Variants in COG5 observed in about 807,000 individuals in gnomAD.
COG5 encodes component of oligomeric golgi complex 5.
A neutral mutation model predicts 110.4 loss-of-function variants in COG5; 86 were observed. The observed-to-expected ratio is 0.78, with a 90% CI of 0.65 to 0.93. COG5 has a LOEUF of 0.93. Ranked by LOEUF, COG5 falls within the 40% of genes least tolerant of loss-of-function variation. The pLI is 0.00. For synonymous variants in COG5, 360 were observed against 334.6 expected (o/e 1.08, Z -0.83); for missense variants, 1,077 against 987.0 (o/e 1.09, Z -1.22).
intron 11 of COG5, among the ~76,000 whole-genome samples, chr7:107,298,565 TA>T (rs926387906): frequency 4.6e-5 from 7 of 151,770 alleles, no homozygotes; most frequent in Non-Finnish European, 7.4e-5. Context: ...AATCTATATT[TA>T]AAAAAAATAG....
chr7:107,504,821 C>T (rs74695687), intron 6 of COG5, among the ~76,000 whole-genome samples: 11 of 152,170 alleles, frequency 7.2e-5, no homozygotes, highest in East Asian at 3.9e-4. Flanking sequence ...TGATCTATTG[C>T]GTTCTGTGGC....
chr7:107,444,199 A>G (rs4730244), intron 6 of COG5, among the ~76,000 whole-genome samples: 101,236 of 152,046 alleles, frequency 0.67, 35,666 homozygotes, highest in African/African-American at 0.91. Context: ...TCTATATTCT[A>G]TATTATCCTC....
At chr7:107,415,128 T>C (rs1033907385) in intron 6 of COG5, among the ~76,000 whole-genome samples, 3 of 152,186 alleles carry the variant, frequency 2.0e-5, no homozygotes, top group African/African-American at 7.2e-5. Flanking sequence ...CACTTATGTT[T>C]CACCACAATG....
chr7:107,444,462 T>C (rs1371827869), intron 6 of COG5, among the ~76,000 whole-genome samples: 1 of 152,202 alleles, frequency 6.6e-6, no homozygotes, highest in East Asian at 1.9e-4. Context: ...ACCTGCAGTT[T>C]TCTTACACTG....
chr7:107,429,042 G>C (rs1793840957), intron 6 of COG5, among the ~76,000 whole-genome samples: 1 of 152,094 alleles, frequency 6.6e-6, no homozygotes, highest in Admixed American at 6.5e-5. Context: ...AACATTTCTT[G>C]TCTGCTGTTT....
At chr7:107,421,981 T>A (rs1428003127) in intron 6 of COG5, among the ~76,000 whole-genome samples, 1 of 152,190 alleles carries the variant, frequency 6.6e-6, no homozygotes, top group Non-Finnish European at 1.5e-5. Flanking sequence ...AATAACATTG[T>A]GTTTTTAGAA....
At chr7:107,397,625 AGTG>A (rs1280114699) in intron 7 of COG5, among the ~76,000 whole-genome samples, 4 of 152,346 alleles carry the variant, frequency 2.6e-5, no homozygotes, top group African/African-American at 9.6e-5. Context: ...TACTCTATAA[AGTG>A]GTAATGACAG....
At chr7:107,248,830 A>G (rs149995737) in intron 16 of COG5, among the ~76,000 whole-genome samples, 47 of 152,368 alleles carry the variant, frequency 3.1e-4, no homozygotes, top group African/African-American at 1.0e-3. Flanking sequence ...AAATGAACAC[A>G]TTTAAGTTTC....
At chr7:107,221,857 T>C (rs1310276172) in intron 19 of COG5, among the ~76,000 whole-genome samples, 1 of 152,210 alleles carries the variant, frequency 6.6e-6, no homozygotes, top group African/African-American at 2.4e-5. Context: ...CTGATTCTGT[T>C]TCTCTCTTAT....
At chr7:107,496,679 A>G in intron 6 of COG5, among the ~76,000 whole-genome samples, 1 of 151,656 alleles carries the variant, frequency 6.6e-6, no homozygotes, top group Admixed American at 6.6e-5. Flanking sequence ...AAAAAACAAA[A>G]AACAAAAAAA....
At chr7:107,393,793 A>G (rs1421167394) in intron 7 of COG5, among the ~76,000 whole-genome samples, 1 of 152,196 alleles carries the variant, frequency 6.6e-6, no homozygotes, top group East Asian at 1.9e-4. Context: ...AAGTTGCGCT[A>G]TCTTCTAGCC....
intron 6 of COG5, among the ~76,000 whole-genome samples, chr7:107,515,853 A>T (rs3801952): frequency 1.3e-5 from 2 of 152,238 alleles, no homozygotes; most frequent in Non-Finnish European, 2.9e-5. Context: ...AGCAAAATAA[A>T]GTTTCTAAGC....
intron 12 of COG5, among the ~76,000 whole-genome samples, chr7:107,287,638 C>T (rs1805754735): frequency 6.6e-6 from 1 of 152,190 alleles, no homozygotes; most frequent in Non-Finnish European, 1.5e-5. Flanking sequence ...CAACACTCCA[C>T]CTTCCTCACT....
intron 2 of COG5, 49 bp downstream of exon 2, chr7:107,557,927 T>C (rs1803444298): frequency 6.2e-7 from 1 of 1,603,080 alleles, no homozygotes; most frequent in Non-Finnish European, 8.5e-7. Context: ...AATGCTAAAT[T>C]ATCACTTTAG....
chr7:107,513,806 C>G (rs1005354225), intron 6 of COG5, among the ~76,000 whole-genome samples: 42 of 152,064 alleles, frequency 2.8e-4, no homozygotes, highest in Non-Finnish European at 4.4e-4. Flanking sequence ...GGACAAAAAA[C>G]CAAACACCAT....
intron 7 of COG5, among the ~76,000 whole-genome samples, 173 bp from the exon 8 acceptor site, chr7:107,372,933 TA>T (rs1376683145): frequency 9.0e-5 from 13 of 144,372 alleles, no homozygotes; most frequent in Non-Finnish European, 1.9e-4. Flanking sequence ...AGATTATTTT[TA>T]AACTTTATTT....
chr7:107,366,156 T>C (rs1316966788), intron 8 of COG5, among the ~76,000 whole-genome samples: 2 of 151,984 alleles, frequency 1.3e-5, no homozygotes, highest in East Asian at 1.9e-4. Flanking sequence ...AAAAATATTA[T>C]AGAAATAAGG....
chr7:107,439,247 T>A (rs1209562256), intron 6 of COG5, among the ~76,000 whole-genome samples: 2 of 151,846 alleles, frequency 1.3e-5, no homozygotes, highest in Non-Finnish European at 2.9e-5. Context: ...CCATCAGATA[T>A]AACTATGATG....
At chr7:107,405,400 G>T (rs1791759189) in intron 7 of COG5, among the ~76,000 whole-genome samples, 1 of 152,128 alleles carries the variant, frequency 6.6e-6, no homozygotes, top group Admixed American at 6.5e-5. Context: ...AAAGGCACTA[G>T]CTCCCAAACA....
Sources: gnomAD v4.1 joint callset for allele counts (sites outside exome capture counted in the v4.1 genomes callset) on GRCh38, gnomAD v4.1.1 for gene constraint, MANE v1.5 for transcripts, NCBI Gene and HGNC (gene_info 2026-07-23, HGNC 2026-07-21) for gene names.